The following ATXN7 variants were observed in gnomAD, a reference collection of about 807,000 sequenced individuals.
ATXN7 encodes ataxin 7.
Under a neutral mutation model 70.5 loss-of-function variants are expected in ATXN7, and 12 were observed. The ratio of observed to expected loss-of-function variants is 0.17; its 90% CI spans 0.11 to 0.28. The LOEUF is 0.28. Ranked by LOEUF, ATXN7 falls within the 10% of genes least tolerant of loss-of-function variation. ATXN7 has a pLI of 1.00. For synonymous variants in ATXN7, 498 were observed against 448.7 expected, an observed-to-expected ratio of 1.11 and a Z score of -1.39; for missense variants, 1,256 against 1,131.7, an observed-to-expected ratio of 1.11 and a Z score of -1.58.
chr3:63,948,409 C>A (rs1363282841), intron 4 of ATXN7, among the ~76,000 whole-genome samples: 1 of 152,052 alleles, frequency 6.6e-6, no homozygotes, highest in Non-Finnish European at 1.5e-5. Flanking sequence ...TATAAGACAT[C>A]TAGATGGTAA....
chr3:63,910,645 C>T (rs1199965417), intron 2 of ATXN7, among the ~76,000 whole-genome samples: 1 of 152,084 alleles, frequency 6.6e-6, no homozygotes, highest in Non-Finnish European at 1.5e-5. Flanking sequence ...CATTGATAGT[C>T]TTATGGAGGA....
intron 4 of ATXN7, among the ~76,000 whole-genome samples, chr3:63,920,539 C>T (rs912703402): frequency 3.9e-5 from 6 of 152,158 alleles, no homozygotes; most frequent in African/African-American, 9.7e-5. Context: ...TCACCCTAAC[C>T]TTTGTTTTTC....
intron 2 of ATXN7, among the ~76,000 whole-genome samples, chr3:63,910,070 T>C (rs1350847762): frequency 6.6e-6 from 1 of 152,160 alleles, no homozygotes; most frequent in East Asian, 1.9e-4. Flanking sequence ...TTGTGTTTTA[T>C]TAAACCAATC....
intron 5 of ATXN7, among the ~76,000 whole-genome samples, chr3:63,971,919 G>GT (rs1242173918): frequency 6.6e-6 from 1 of 151,988 alleles, no homozygotes; most frequent in African/African-American, 2.4e-5. Context: ...AAAGTGCTGA[G>GT]TTTTTTTTGT....
intron 2 of ATXN7, among the ~76,000 whole-genome samples, chr3:63,910,891 A>G (rs1451796213): frequency 6.6e-6 from 1 of 151,828 alleles, no homozygotes; most frequent in Non-Finnish European, 1.5e-5. Flanking sequence ...TTGAACCCCA[A>G]ACCCTCTCTA....
At chr3:63,965,781 A>T (rs2075212033) in intron 5 of ATXN7, among the ~76,000 whole-genome samples, 1 of 152,242 alleles carries the variant, frequency 6.6e-6, no homozygotes, top group South Asian at 2.1e-4. Flanking sequence ...GTATTTGCTT[A>T]AACATTTTAT....
intron 5 of ATXN7, among the ~76,000 whole-genome samples, chr3:63,969,394 C>T (rs952117366): frequency 2.0e-5 from 3 of 152,186 alleles, no homozygotes; most frequent in African/African-American, 7.2e-5. Context: ...TTTCGTTGTA[C>T]CTTGCAGAGT....
chr3:63,981,746 G>A (rs902836534), intron 6 of ATXN7, among the ~76,000 whole-genome samples: 10 of 152,130 alleles, frequency 6.6e-5, no homozygotes, highest in Admixed American at 5.9e-4. Context: ...GACATTTATT[G>A]GAAATATTTG....
chr3:63,949,992 T>C (rs1363994326), intron 4 of ATXN7, among the ~76,000 whole-genome samples: 3 of 152,184 alleles, frequency 2.0e-5, no homozygotes, highest in Non-Finnish European at 4.4e-5. Flanking sequence ...ACCTGGCACA[T>C]AGTAGTCTCT....
At chr3:63,943,126 A>G (rs1333258758) in intron 4 of ATXN7, among the ~76,000 whole-genome samples, 1 of 152,230 alleles carries the variant, frequency 6.6e-6, no homozygotes, top group Non-Finnish European at 1.5e-5. Flanking sequence ...TTGGGTATTC[A>G]GGGAAAGTCT....
chr3:63,891,733 A>G (rs1279156384), intron 1 of ATXN7, among the ~76,000 whole-genome samples: 1 of 152,226 alleles, frequency 6.6e-6, no homozygotes, highest in Non-Finnish European at 1.5e-5. Flanking sequence ...ATGTAAATAT[A>G]GGTGACTATT....
rs201003086 is a variant in ATXN7 at position 63,996,209 on chromosome 3, A to G, written c.2387A>G (p.Asn796Ser). 16 of 1,614,166 alleles carry G rather than the reference A, an allele frequency of 9.9e-6. No homozygotes were observed. Among genetic ancestry groups the G allele is most frequent in the Non-Finnish European group, 1.4e-5 (16 of 1,180,040 alleles). ...ESIKRMSVMV[N>S]SSDSTLSLGP... The stretch of plus-strand genomic sequence containing the variant: ...ATCAAGAGGATGAGTGTGATGGTGA[A>G]CAGCAGTGATTCTACTCTTTCTCTT... Residue 796 changes from asparagine to serine, a missense_variant, in exon 12 of 13, where the codon AAC becomes AGC. By Grantham distance (46) the Asn-to-Ser change is conservative. Coordinates refer to ENST00000674280, the MANE Select transcript of ATXN7 (RefSeq NM_001377405.1).
At chr3:63,990,713 C>T (rs1227964671) in intron 10 of ATXN7, 25 bp from the exon 11 acceptor site, 2 of 1,614,058 alleles carry the variant, frequency 1.2e-6, no homozygotes, top group Admixed American at 3.3e-5. Flanking sequence ...AGTCAGCAAG[C>T]ACGCGGCTAT....
intron 1 of ATXN7, among the ~76,000 whole-genome samples, chr3:63,879,897 C>T (rs1206349343): frequency 6.6e-6 from 1 of 151,512 alleles, no homozygotes; most frequent in Non-Finnish European, 1.5e-5. Flanking sequence ...TCCTGGATAA[C>T]ATGGTGAAAC....
intron 5 of ATXN7, among the ~76,000 whole-genome samples, chr3:63,962,998 C>G (rs1470443289): frequency 6.6e-6 from 1 of 151,360 alleles, no homozygotes; most frequent in African/African-American, 2.4e-5. Flanking sequence ...TCACTGTAAC[C>G]CCCACCTCCC....
intron 5 of ATXN7, among the ~76,000 whole-genome samples, chr3:63,965,905 C>A (rs1169659995): frequency 6.6e-6 from 1 of 152,170 alleles, no homozygotes; most frequent in Non-Finnish European, 1.5e-5. Context: ...GACCATTCAT[C>A]CCTTTTCTGA....
chr3:63,900,196 A>G (rs1703584206), intron 2 of ATXN7, among the ~76,000 whole-genome samples: 5 of 152,238 alleles, frequency 3.3e-5, no homozygotes, highest in Non-Finnish European at 7.3e-5. Context: ...GAAACAACAG[A>G]ATCGAAACAA....
At position 63,885,962 on chromosome 3, in the gene ATXN7, A is replaced by T. The variant is rs568315054; in HGVS notation, c.-110-12437A>T. Among the ~76,000 whole-genome samples the T allele has an allele frequency of 4.3e-4, 66 of 152,312 alleles. No individual in the cohort carries two copies. The South Asian group carries it at 0.013, about 30-fold the overall frequency. On this transcript the variant is annotated intron_variant, in intron 1 of 12. Coordinates refer to ENST00000674280, the MANE Select transcript of ATXN7 (RefSeq NM_001377405.1). ...AACCTGGGAGGTGAAGTTTGCAGTG[A>T]GCTGGGATCACGCCACTATACTCCA...
intron 1 of ATXN7, among the ~76,000 whole-genome samples, chr3:63,868,263 A>G: frequency 6.6e-6 from 1 of 152,260 alleles, no homozygotes; most frequent in African/African-American, 2.4e-5. Context: ...GAGTCAAAAT[A>G]GACTTAAAAT....
Sources: allele counts gnomAD v4.1 joint callset (sites outside exome capture counted in the v4.1 genomes callset), GRCh38; gene constraint gnomAD v4.1.1; transcripts MANE v1.5; gene names NCBI Gene and HGNC (gene_info 2026-07-23, HGNC 2026-07-21).